The following PLCE1 variants were observed in gnomAD, a reference collection of about 807,000 sequenced individuals.
PLCE1 encodes the protein phospholipase C epsilon 1.
A neutral mutation model predicts 242.8 loss-of-function variants in PLCE1; 119 were observed. That is an observed-to-expected ratio of 0.49 (90% CI 0.42 to 0.57). PLCE1 has a LOEUF of 0.57. Among genes scored for constraint, PLCE1 ranks in the 20% least tolerant of loss-of-function variants. The pLI, the probability that PLCE1 is intolerant of heterozygous loss-of-function variation, is 0.00. For missense variants in PLCE1, 2,441 were observed against 2,788.8 expected, an observed-to-expected ratio of 0.88 and a Z score of 2.81; for synonymous variants, 945 against 1,017.4, an observed-to-expected ratio of 0.93 and a Z score of 1.35.
chr10:94,032,361 A>C (rs1374266449), intron 2 of PLCE1, 109 bp downstream of exon 2: 1 of 994,706 alleles, frequency 1.0e-6, no homozygotes, highest in Non-Finnish European at 1.5e-6. Context: ...GATCTGTCAA[A>C]TTATGATTCT....
chr10:94,304,758 C>G (rs189347087), intron 25 of PLCE1, 113 bp downstream of exon 25: 22 of 967,502 alleles, frequency 2.3e-5, no homozygotes, highest in Non-Finnish European at 3.4e-5. Flanking sequence ...TTGGGTCATA[C>G]AGATTTAGTT....
At chr10:94,231,344 G>C (rs528845711) in intron 5 of PLCE1, among the ~76,000 whole-genome samples, 2 of 152,168 alleles carry the variant, frequency 1.3e-5, no homozygotes, top group South Asian at 4.1e-4. Flanking sequence ...CCCCAAAAAA[G>C]AATTCTCACT....
In PLCE1 at chr10:94,325,071, C is replaced by A; in HGVS notation, c.6900C>A (p.Tyr2300Ter). The A allele has an allele frequency of 6.2e-7, 1 of 1,614,006 alleles. No homozygotes were observed. The highest frequency in any genetic ancestry group is 8.5e-7 in the Non-Finnish European group (1 of 1,179,852). The change falls in exon 32 of 33, where the codon TAC becomes TAA. Residue 2300 changes from tyrosine (Y) to a stop codon, truncating the protein, a stop_gained. Transcript: ENST00000371380. LOFTEE classifies it high-confidence loss of function. ...TGTCCTCCAGTGACACAATGGATTACCGACAGTGACTAAGGGCAGCATGTT... is the reference window on the plus strand; with the variant it reads ...TGTCCTCCAGTGACACAATGGATTAACGACAGTGACTAAGGGCAGCATGTT... ...GGLSSSDTMDYRQ is the reference protein window; with the variant it reads ...GGLSSSDTMD
intron 3 of PLCE1, among the ~76,000 whole-genome samples, chr10:94,142,406 C>T (rs1421279184): frequency 6.6e-6 from 1 of 151,678 alleles, no homozygotes; most frequent in Non-Finnish European, 1.5e-5. Context: ...GTGGTCCCAC[C>T]TATTCAGAAG....
intron 2 of PLCE1, among the ~76,000 whole-genome samples, chr10:94,054,320 G>T (rs2134843158): frequency 6.6e-6 from 1 of 152,282 alleles, no homozygotes; most frequent in Admixed American, 6.5e-5. Flanking sequence ...CTCCCTTGCA[G>T]TTAGATGCAT....
At chr10:94,073,333 A>G (rs1026000935) in intron 2 of PLCE1, among the ~76,000 whole-genome samples, 1 of 152,146 alleles carries the variant, frequency 6.6e-6, no homozygotes, top group Non-Finnish European at 1.5e-5. Context: ...CAAGTAACCA[A>G]CTTACTTTAT....
At chr10:94,071,495 G>GATTTTT (rs2044351689) in intron 2 of PLCE1, among the ~76,000 whole-genome samples, 1 of 83,316 alleles carries the variant, frequency 1.2e-5, no homozygotes, top group African/African-American at 5.4e-5. Context: ...TTTGGTTTTC[G>GATTTTT]TTTTTTTTTT....
intron 1 of PLCE1, among the ~76,000 whole-genome samples, chr10:94,027,017 C>T (rs567291795): frequency 6.6e-6 from 1 of 152,204 alleles, no homozygotes; most frequent in African/African-American, 2.4e-5. Context: ...AAATCAAACC[C>T]CAAAGTGGTT....
chr10:94,008,191 CAA>C (rs745999207), intron 1 of PLCE1, among the ~76,000 whole-genome samples: 1,158 of 55,174 alleles, frequency 0.021, 4 homozygotes, highest in Middle Eastern at 0.039. Flanking sequence ...GACCTTGTCT[CAA>C]AAAAAAAAAA....
At chr10:94,236,579 T>C (rs10882412) in intron 7 of PLCE1, among the ~76,000 whole-genome samples, 69,193 of 151,878 alleles carry the variant, frequency 0.46, 16,534 homozygotes, top group East Asian at 0.62. Flanking sequence ...AGTATTTTTA[T>C]CTCTGCCAAC....
At chr10:94,245,507 A>AT (rs112078461) in intron 7 of PLCE1, among the ~76,000 whole-genome samples, 44,020 of 151,132 alleles carry the variant, frequency 0.29, 6,574 homozygotes, top group East Asian at 0.56. Flanking sequence ...GTTACTCAAA[A>AT]TTTTTTTTTT....
At chr10:94,068,631 T>G (rs1156256286) in intron 2 of PLCE1, among the ~76,000 whole-genome samples, 1 of 152,180 alleles carries the variant, frequency 6.6e-6, no homozygotes, top group Non-Finnish European at 1.5e-5. Flanking sequence ...TTAACATGTA[T>G]GGAATGCTTA....
chr10:94,175,874 C>T (rs2048111994), intron 4 of PLCE1, among the ~76,000 whole-genome samples: 1 of 152,112 alleles, frequency 6.6e-6, no homozygotes, highest in Non-Finnish European at 1.5e-5. Flanking sequence ...ACCTTCAATT[C>T]AATTCATGTT....
rs1166211493 is a variant in PLCE1 at position 94,306,567 on chromosome 10, C to T, written c.5763C>T (p.Asn1921=). The change falls in exon 26 of 33, where the codon AAC becomes AAT. Residue 1921 remains asparagine, a synonymous_variant. Coordinates refer to ENST00000371380, the MANE Select transcript of PLCE1 (RefSeq NM_016341.4). The surrounding 1 kb of genome is among the most constrained non-coding windows in gnomAD (Gnocchi z 5.7). The part of the protein sequence containing the change: ...IHRNTLNPMW[N]EQFLFHVHFE... Reference sequence around the variant, plus strand: ...GAAACACCCTGAACCCCATGTGGAACGAGCAGTTTCTGTTCCACGTTCACT... The same window carrying T: ...GAAACACCCTGAACCCCATGTGGAATGAGCAGTTTCTGTTCCACGTTCACT... 36 of 1,614,012 alleles carry T rather than the reference C, an allele frequency of 2.2e-5. No individual in the cohort carries two copies. The highest frequency in any genetic ancestry group is 2.6e-5 in the Non-Finnish European group (31 of 1,179,982).
intron 2 of PLCE1, among the ~76,000 whole-genome samples, chr10:94,121,638 T>G (rs2046302152): frequency 6.6e-6 from 1 of 152,160 alleles, no homozygotes; most frequent in Non-Finnish European, 1.5e-5. Context: ...AAAGAAACAC[T>G]AGTTACTTCC....
chr10:94,315,401 A>G (rs1446636019), intron 28 of PLCE1: 1 of 455,960 alleles, frequency 2.2e-6, no homozygotes, highest in East Asian at 6.9e-5. Flanking sequence ...CGGGAAGGCA[A>G]CAAAGGGAGT....
intron 3 of PLCE1, among the ~76,000 whole-genome samples, chr10:94,140,827 T>C (rs2046932502): frequency 2.0e-5 from 3 of 152,364 alleles, no homozygotes; most frequent in South Asian, 2.1e-4. Context: ...CCTGACTTGT[T>C]AGTATTGTGA....
intron 1 of PLCE1, among the ~76,000 whole-genome samples, chr10:94,005,027 A>G (rs755559074): frequency 1.7e-4 from 26 of 152,234 alleles, no homozygotes; most frequent in Non-Finnish European, 3.4e-4. Context: ...TTAAAACTCT[A>G]ACTTCACTCA....
At chr10:94,040,876 T>C (rs1456370691) in intron 2 of PLCE1, among the ~76,000 whole-genome samples, 2 of 152,180 alleles carry the variant, frequency 1.3e-5, no homozygotes, top group Non-Finnish European at 2.9e-5. Context: ...TATATAGAAT[T>C]GAAATTGTAT....
Sources: gnomAD v4.1 joint callset for allele counts (sites outside exome capture counted in the v4.1 genomes callset) on GRCh38, gnomAD v4.1.1 for gene constraint, Gnocchi (gnomAD v3.1) non-coding constraint, MANE v1.5 for transcripts, NCBI Gene and HGNC (gene_info 2026-07-23, HGNC 2026-07-21) for gene names.